The following ABTB3 variants were observed in gnomAD, a reference collection of about 807,000 sequenced individuals.
The protein encoded by ABTB3 is ankyrin repeat and BTB domain containing 3, also known as ankyrin repeat- and BTB/POZ domain-containing protein 3.
chr12:107,345,028 G>T, the ABTB3 span, among the ~76,000 whole-genome samples: 211 of 152,308 alleles, frequency 1.4e-3, 1 homozygote, highest in African/African-American at 4.6e-3. Context: ...CCATTTTCCA[G>T]CCTAGTCCTT....
At chr12:107,461,698 G>A in the ABTB3 span, among the ~76,000 whole-genome samples, 7 of 151,090 alleles carry the variant, frequency 4.6e-5, no homozygotes, top group African/African-American at 1.7e-4. Context: ...AGAAAGTTTT[G>A]AGGGTGGGGA....
At chr12:107,654,409 C>T in the ABTB3 span, among the ~76,000 whole-genome samples, 1 of 152,178 alleles carries the variant, frequency 6.6e-6, no homozygotes, top group Non-Finnish European at 1.5e-5. Context: ...AGCGATTCTC[C>T]TGCCTCAGCC....
chr12:107,415,074 C>T, the ABTB3 span, among the ~76,000 whole-genome samples: 2 of 152,140 alleles, frequency 1.3e-5, no homozygotes, highest in African/African-American at 4.8e-5. Context: ...GTCTGAACTT[C>T]CAAGTGCAGC....
the ABTB3 span, among the ~76,000 whole-genome samples, chr12:107,590,422 T>G: frequency 6.6e-6 from 1 of 151,128 alleles, no homozygotes; most frequent in African/African-American, 2.4e-5. Context: ...CAAGGAGGAG[T>G]GGTGCAGAGT....
chr12:107,567,879 A>G, the ABTB3 span, among the ~76,000 whole-genome samples: 3 of 152,182 alleles, frequency 2.0e-5, no homozygotes, highest in Non-Finnish European at 1.5e-5. Flanking sequence ...TCTTCCATGA[A>G]ACCAGTCCCT....
At chr12:107,402,840 A>G in the ABTB3 span, among the ~76,000 whole-genome samples, 1 of 152,128 alleles carries the variant, frequency 6.6e-6, no homozygotes, top group Non-Finnish European at 1.5e-5. Flanking sequence ...CAGCTCTATG[A>G]CTGGCCCAGT....
the ABTB3 span, among the ~76,000 whole-genome samples, chr12:107,489,789 G>A: frequency 2.0e-5 from 3 of 151,874 alleles, no homozygotes. Context: ...TAGAGACAGG[G>A]TCTTGCTCTG....
At chr12:107,604,085 C>A in the ABTB3 span, among the ~76,000 whole-genome samples, 1 of 152,010 alleles carries the variant, frequency 6.6e-6, no homozygotes. Context: ...AGGAGAATGG[C>A]GTGAACCCAG....
the ABTB3 span, among the ~76,000 whole-genome samples, chr12:107,407,862 A>G: frequency 6.6e-6 from 1 of 152,004 alleles, no homozygotes; most frequent in South Asian, 2.1e-4. Context: ...TTGCTGTTCC[A>G]GATTTCTCCC....
the ABTB3 span, among the ~76,000 whole-genome samples, chr12:107,539,792 C>T: frequency 6.6e-6 from 1 of 152,176 alleles, no homozygotes; most frequent in Non-Finnish European, 1.5e-5. Flanking sequence ...GATTATTCCT[C>T]ACCTGAGAGG....
At chr12:107,362,746 T>A in the ABTB3 span, among the ~76,000 whole-genome samples, 1 of 151,806 alleles carries the variant, frequency 6.6e-6, no homozygotes, top group Admixed American at 6.6e-5. Flanking sequence ...TGAACTATGA[T>A]CATGCCACTG....
At chr12:107,423,326 C>T in the ABTB3 span, among the ~76,000 whole-genome samples, 2 of 152,198 alleles carry the variant, frequency 1.3e-5, no homozygotes, top group Non-Finnish European at 2.9e-5. Context: ...GTGCTTGATA[C>T]CCATTTTCAG....
chr12:107,576,722 G>A, the ABTB3 span, among the ~76,000 whole-genome samples: 1 of 152,134 alleles, frequency 6.6e-6, no homozygotes, highest in Non-Finnish European at 1.5e-5. Flanking sequence ...GAATTCCTGA[G>A]CCCATGGATG....
the ABTB3 span, chr12:107,319,803 G>C: frequency 1.4e-6 from 2 of 1,391,844 alleles, no homozygotes; most frequent in Non-Finnish European, 1.9e-6. Context: ...GATAAAGAGC[G>C]GGAGGCGCCC....
the ABTB3 span, chr12:107,617,640 T>C: frequency 2.7e-5 from 16 of 602,350 alleles, no homozygotes; most frequent in African/African-American, 2.6e-4. Flanking sequence ...TCAGAATGCT[T>C]TATTTTACCT....
At chr12:107,329,030 G>T in the ABTB3 span, among the ~76,000 whole-genome samples, 1 of 152,186 alleles carries the variant, frequency 6.6e-6, no homozygotes, top group Non-Finnish European at 1.5e-5. Flanking sequence ...CTCAGCTGGA[G>T]GCCCTGGGGA....
chr12:107,617,358 C>T, the ABTB3 span: 5 of 1,614,134 alleles, frequency 3.1e-6, no homozygotes, highest in South Asian at 1.1e-5. Context: ...CTGATAGGAA[C>T]CATGTACAGG....
the ABTB3 span, among the ~76,000 whole-genome samples, chr12:107,421,398 C>T: frequency 6.6e-6 from 1 of 152,206 alleles, no homozygotes; most frequent in East Asian, 1.9e-4. Flanking sequence ...ATGGCAAGTA[C>T]TGACCAGATA....
the ABTB3 span, among the ~76,000 whole-genome samples, chr12:107,377,079 T>A: frequency 6.6e-6 from 1 of 151,950 alleles, no homozygotes; most frequent in Non-Finnish European, 1.5e-5. Context: ...CTGAGGGGAG[T>A]GCTGCTGGCG....
Sources: gnomAD v4.1 joint callset for allele counts (sites outside exome capture counted in the v4.1 genomes callset) on GRCh38, gnomAD v4.1.1 for gene constraint, MANE v1.5 for transcripts, NCBI Gene and HGNC (gene_info 2026-07-23, HGNC 2026-07-21) for gene names.